POT1: variants seen among roughly 807,000 people sequenced by gnomAD.
POT1 encodes protection of telomeres 1.
POT1 carries 47 observed loss-of-function variants against 78.5 expected under a neutral mutation model. The ratio of observed to expected loss-of-function variants is 0.60; its 90% CI spans 0.47 to 0.76. The LOEUF (loss-of-function observed/expected upper bound fraction) is 0.76, where lower values mean the gene tolerates loss of function less well. POT1 is among the 30% of genes least tolerant of loss of function. The probability of loss-of-function intolerance (pLI) is 0.00; values close to 1 mark genes in which losing one functional copy is unlikely to be tolerated. For missense variants in POT1, 646 were observed against 749.9 expected (o/e 0.86, Z 1.62); for synonymous variants, 259 against 260.7 (o/e 0.99, Z 0.06).
intron 3 of POT1, among the ~76,000 whole-genome samples, chr7:124,911,640 A>G (rs1458063591): frequency 6.6e-6 from 1 of 152,168 alleles, no homozygotes; most frequent in Non-Finnish European, 1.5e-5. Context: ...GAAAACTAAC[A>G]CGACACTGAT....
intron 9 of POT1, among the ~76,000 whole-genome samples, chr7:124,853,965 C>A (rs1795380271): frequency 6.6e-6 from 1 of 151,980 alleles, no homozygotes; most frequent in African/African-American, 2.4e-5. Context: ...AAAGGAGTTA[C>A]AAACAAGGAA....
chr7:124,847,683 CT>C (rs2116487327), intron 11 of POT1, among the ~76,000 whole-genome samples: 1 of 152,292 alleles, frequency 6.6e-6, no homozygotes, highest in East Asian at 1.9e-4. Context: ...CAACACGGTA[CT>C]GGCATCAGGA....
chr7:124,867,114 A>C (rs1795746205), intron 7 of POT1, among the ~76,000 whole-genome samples: 1 of 152,202 alleles, frequency 6.6e-6, no homozygotes, highest in African/African-American at 2.4e-5. Context: ...GGTAGCTTTC[A>C]CATATCATTT....
intron 3 of POT1, among the ~76,000 whole-genome samples, chr7:124,914,311 G>C (rs565731982): frequency 1.3e-5 from 2 of 151,906 alleles, no homozygotes; most frequent in Non-Finnish European, 2.9e-5. Flanking sequence ...GGTTGTTTTC[G>C]CAATTTGAAG....
intron 7 of POT1, among the ~76,000 whole-genome samples, chr7:124,869,031 T>C (rs1293267093): frequency 6.6e-6 from 1 of 152,094 alleles, no homozygotes; most frequent in East Asian, 1.9e-4. Context: ...TAAATGAATA[T>C]ATTACAAAAG....
At chr7:124,898,584 A>G (rs997997521) in intron 3 of POT1, among the ~76,000 whole-genome samples, 1 of 152,026 alleles carries the variant, frequency 6.6e-6, no homozygotes, top group Non-Finnish European at 1.5e-5. Context: ...TACAGCTACA[A>G]TATAGCCACA....
At chr7:124,910,662 A>T (rs936591220) in intron 3 of POT1, among the ~76,000 whole-genome samples, 5 of 152,040 alleles carry the variant, frequency 3.3e-5, no homozygotes, top group African/African-American at 1.2e-4. Flanking sequence ...TAAAATAAAC[A>T]AAGGATAGGA....
chr7:124,831,238 A>G (rs1584750353), intron 15 of POT1, among the ~76,000 whole-genome samples: 1 of 152,238 alleles, frequency 6.6e-6, no homozygotes, highest in Non-Finnish European at 1.5e-5. Flanking sequence ...GGGACCATAT[A>G]TTGTTAAAAC....
chr7:124,920,223 G>A (rs1008194727), intron 2 of POT1, among the ~76,000 whole-genome samples: 1 of 151,964 alleles, frequency 6.6e-6, no homozygotes, highest in African/African-American at 2.4e-5. Context: ...TGGATAAATA[G>A]GCTGCAACAA....
In POT1 at chr7:124,846,971, A is replaced by G. The variant is rs75932146; in HGVS notation, c.977T>C (p.Val326Ala). ...AGCAGATAGCTGTTGACATCTTTCT[A>G]CCTCGTATAATGATACTGATCCAGA... Reference protein sequence around the residue: ...PSSGSVSLYEVERCQQLSATI... With the variant: ...PSSGSVSLYEAERCQQLSATI... The change falls in exon 12 of 19, where the codon GTA (valine) becomes GCA (alanine). Residue 326 changes from valine to alanine, a missense_variant. By Grantham distance (64) the Val-to-Ala change is moderately conservative (BLOSUM62 0). Coordinates refer to ENST00000357628, the MANE Select transcript of POT1 (RefSeq NM_015450.3). 2.3e-4 allele frequency: 363 copies of G among 1,606,158 alleles called. 5 individuals are homozygous for G. In the East Asian group the frequency reaches 8.1e-3, roughly 36 times the overall value.
rs567700636 is a variant in POT1, at chr7:124,822,615, C to T, written c.*1347G>A. 4 of 440,728 alleles carry T rather than the reference C, an allele frequency of 9.1e-6. No individual in the cohort carries two copies. The highest frequency in any genetic ancestry group is 2.0e-5 in the African/African-American group (1 of 49,958). 27.3% of individuals were successfully genotyped at this position (440,728 alleles called of 1,614,324 possible). On this transcript the variant is annotated 3_prime_UTR_variant, in exon 19 of 19. Transcript: ENST00000357628. ...TGAGCACATCATCAACACGGAAACA[C>T]ACCTGTTCAACTGTAGGGTTTTAAA...
chr7:124,907,571 T>C (rs1352614636), intron 3 of POT1, among the ~76,000 whole-genome samples: 4 of 152,100 alleles, frequency 2.6e-5, no homozygotes, highest in Admixed American at 6.6e-5. Context: ...CTCTATAAGG[T>C]ACTATAATGA....
At chr7:124,856,691 C>G (rs561712683) in intron 9 of POT1, among the ~76,000 whole-genome samples, 4 of 151,998 alleles carry the variant, frequency 2.6e-5, no homozygotes, top group African/African-American at 9.6e-5. Flanking sequence ...TGTTTGGAAG[C>G]AGTATAGGGA....
intron 2 of POT1, among the ~76,000 whole-genome samples, chr7:124,923,998 A>G (rs1394619770): frequency 6.6e-6 from 1 of 151,682 alleles, no homozygotes; most frequent in Non-Finnish European, 1.5e-5. Flanking sequence ...ATAAGCAAAC[A>G]ACGCGGGACT....
chr7:124,925,088 A>G (rs1038285053), intron 2 of POT1, among the ~76,000 whole-genome samples: 1 of 152,098 alleles, frequency 6.6e-6, no homozygotes, highest in Non-Finnish European at 1.5e-5. Context: ...ACTCTTACTC[A>G]ATATAGTACT....
chr7:124,919,800 A>G (rs1375337515), intron 2 of POT1, among the ~76,000 whole-genome samples: 1 of 152,094 alleles, frequency 6.6e-6, no homozygotes, highest in Non-Finnish European at 1.5e-5. Flanking sequence ...CTGACCTGAC[A>G]AACTAATATA....
chr7:124,849,593 C>T (rs549518065), intron 11 of POT1, among the ~76,000 whole-genome samples: 11 of 152,160 alleles, frequency 7.2e-5, no homozygotes, highest in African/African-American at 2.6e-4. Context: ...AAAAAATGTG[C>T]ATAACCTTAG....
At chr7:124,896,556 A>G (rs1796496541) in intron 5 of POT1, among the ~76,000 whole-genome samples, 1 of 151,750 alleles carries the variant, frequency 6.6e-6, no homozygotes, top group Admixed American at 6.6e-5. Flanking sequence ...CAAAAACATA[A>G]GTAGAACATA....
chr7:124,832,156 G>C (rs1181588656), intron 15 of POT1, among the ~76,000 whole-genome samples: 1 of 150,552 alleles, frequency 6.6e-6, no homozygotes, highest in Non-Finnish European at 1.5e-5. Context: ...CTAGTTGGGA[G>C]GCTGAGATAG....
Sources: gnomAD v4.1 joint callset for allele counts (sites outside exome capture counted in the v4.1 genomes callset) on GRCh38, gnomAD v4.1.1 for gene constraint, MANE v1.5 for transcripts, NCBI Gene and HGNC (gene_info 2026-07-23, HGNC 2026-07-21) for gene names.